Variants in BLACAT1 observed in about 807,000 individuals in gnomAD.
BLACAT1 encodes bladder cancer associated transcript 1.
At chr1:205,438,372 G>C (rs1666240027), downstream of BLACAT1, among the ~76,000 whole-genome samples, 1 of 152,240 alleles carries the variant, frequency 6.6e-6, no homozygotes, top group African/African-American at 2.4e-5. Flanking sequence ...AGAGAGGATG[G>C]GAAGGCAGGG....
downstream of BLACAT1, chr1:205,436,205 C>G (rs116864810): frequency 1.3e-5 from 2 of 152,106 alleles, no homozygotes; most frequent in Non-Finnish European, 1.5e-5. Context: ...CAGCAGCCCA[C>G]GAGGAAAACC....
At chr1:205,436,866 T>G (rs1021321971), downstream of BLACAT1, 2 of 152,252 alleles carry the variant, frequency 1.3e-5, no homozygotes, top group Non-Finnish European at 1.5e-5. Flanking sequence ...TCTCCAAAAG[T>G]TCCAGCCACA....
downstream of BLACAT1, among the ~76,000 whole-genome samples, chr1:205,438,620 T>TAG (rs540755028): frequency 1.5e-3 from 221 of 152,296 alleles, 1 homozygote; most frequent in African/African-American, 5.2e-3. Flanking sequence ...TGTGCCTGGC[T>TAG]AGAAGCTGCT....
In BLACAT1 at chr1:205,448,851, G is replaced by T. The variant is rs1666447957; in HGVS notation, c.-37+7066C>A. ...TTCTAGTCCAGCCACTGGAAGCACA[G>T]AGGGCAAAGGAGGGTCTGGGTAAAG... On this transcript the variant is annotated intron_variant, in intron 1 of 1. Coordinates refer to ENST00000629624, the Ensembl canonical transcript of BLACAT1. The surrounding 1 kb of genome is among the most constrained non-coding windows in gnomAD (Gnocchi z 4.7). 6.6e-6 allele frequency among the ~76,000 whole-genome samples: 1 copy of T among 152,158 alleles called. No individual in the cohort carries two copies. The highest frequency in any genetic ancestry group is 6.5e-5 in the Admixed American group (1 of 15,286).
At chr1:205,443,043 AGGAG>A (rs1450946703) in intron 1 of BLACAT1, among the ~76,000 whole-genome samples, 2 of 152,232 alleles carry the variant, frequency 1.3e-5, no homozygotes, top group African/African-American at 4.8e-5. Context: ...TTGATCCGGA[AGGAG>A]GGAGGGAGGG....
chr1:205,455,845 G>C (rs1666556458), intron 1 of BLACAT1, 72 bp downstream of exon 1: 1 of 152,194 alleles, frequency 6.6e-6, no homozygotes, highest in South Asian at 2.1e-4. Context: ...AGCCGCACTC[G>C]GGCCCCCAAC....
downstream of BLACAT1, among the ~76,000 whole-genome samples, chr1:205,438,652 A>G (rs1256059605): frequency 6.6e-6 from 1 of 152,192 alleles, no homozygotes; most frequent in African/African-American, 2.4e-5. Context: ...AGACAATTCC[A>G]GCTGCAGTGC....
At chr1:205,442,085 A>G in intron 1 of BLACAT1, among the ~76,000 whole-genome samples, 1 of 151,998 alleles carries the variant, frequency 6.6e-6, no homozygotes, top group Admixed American at 6.6e-5. Context: ...ATGGAAAGGG[A>G]GCAGAAGTGC....
downstream of BLACAT1, chr1:205,437,192 A>G (rs2102460204): frequency 6.6e-6 from 1 of 152,546 alleles, no homozygotes; most frequent in Admixed American, 6.5e-5. Context: ...TTTGATCAGC[A>G]TGGAGATGAG....
chr1:205,453,020 G>C (rs565728025), intron 1 of BLACAT1, among the ~76,000 whole-genome samples: 1 of 152,258 alleles, frequency 6.6e-6, no homozygotes, highest in East Asian at 1.9e-4. Context: ...GAGTCCCTGG[G>C]CTGGAACAGG....
chr1:205,439,384 G>A (rs1332193279), downstream of BLACAT1, among the ~76,000 whole-genome samples: 1 of 152,230 alleles, frequency 6.6e-6, no homozygotes, highest in Non-Finnish European at 1.5e-5. Context: ...AACTCAAGCT[G>A]TGCTCAAGCC....
At position 205,455,971 on chromosome 1, in the gene BLACAT1, CTCTT is replaced by C. The variant is rs1413851421; in HGVS notation, c.-95_-92del. The C allele has an allele frequency of 2.0e-5, 3 of 152,276 alleles. No individual in the cohort carries two copies. The East Asian group carries it at 5.8e-4, about 29-fold the overall frequency. The allele number at this position is 152,276 out of a possible 1,614,324, so 9.4% of individuals were successfully genotyped here. On this transcript the variant is annotated 5_prime_UTR_variant, in exon 1 of 2. Coordinates refer to ENST00000629624, the Ensembl canonical transcript of BLACAT1. ...ACTCACTTCCTTTGTGTCTCTCTCT[CTCTT>C]TCTCTCTCTCTCCCCCTCACCAATC... is the stretch of plus-strand genomic sequence containing the variant.
intron 1 of BLACAT1, among the ~76,000 whole-genome samples, chr1:205,445,146 A>G (rs1481048072): frequency 1.3e-5 from 2 of 152,112 alleles, no homozygotes; most frequent in African/African-American, 4.8e-5. Flanking sequence ...AGAAAGAATT[A>G]AAAACGAAGG....
rs745307754 is a variant in BLACAT1 at position 205,448,308 on chromosome 1, C to T, written c.-36-7246G>A. The T allele has an allele frequency of 1.9e-6, 1 of 530,806 alleles. No homozygotes were observed. Among genetic ancestry groups the T allele is most frequent in the Non-Finnish European group, 3.9e-6 (1 of 256,864 alleles). The allele number at this position is 530,806 out of a possible 1,614,324, so 32.9% of individuals were successfully genotyped here. On this transcript the variant is annotated intron_variant, in intron 1 of 1. Coordinates refer to ENST00000629624, the Ensembl canonical transcript of BLACAT1. This position sits in a 1 kb window ranked among gnomAD's most constrained non-coding sequence, Gnocchi z 4.7. ...GTGCAGCTGCGCAGGAGAAGGAGCT[C>T]GCCCCTCACTGTAGCCCATGGCTTT...
chr1:205,439,630 C>G (rs1558743089), downstream of BLACAT1, among the ~76,000 whole-genome samples: 1 of 152,342 alleles, frequency 6.6e-6, no homozygotes, highest in East Asian at 1.9e-4. Context: ...CCTCTCTACC[C>G]AGGTCACCTG....
At chr1:205,435,963 G>A (rs2102458405), downstream of BLACAT1, 1 of 152,368 alleles carries the variant, frequency 6.6e-6, no homozygotes, top group East Asian at 1.9e-4. Context: ...GTTAAAGGAT[G>A]AGGGCAGAAA....
At chr1:205,443,542 G>GAGGTGCC (rs1341006287) in intron 1 of BLACAT1, among the ~76,000 whole-genome samples, 6 of 152,184 alleles carry the variant, frequency 3.9e-5, no homozygotes, top group Non-Finnish European at 7.4e-5. Context: ...AGGGGCTGTA[G>GAGGTGCC]CCTGGCTCCC....
chr1:205,454,098 T>C (rs1666532209), intron 1 of BLACAT1, among the ~76,000 whole-genome samples: 1 of 152,052 alleles, frequency 6.6e-6, no homozygotes, highest in Non-Finnish European at 1.5e-5. Flanking sequence ...GTGGGGAGAA[T>C]GGCTTCAGGG....
chr1:205,445,288 G>A lies in BLACAT1; in HGVS notation c.-36-4226C>T, dbSNP rs73072317. On this transcript the variant is annotated intron_variant, in intron 1 of 1. Transcript: ENST00000629624. ...TCTGGGAACTGTAGTCTACAAGACCGTGTTGATAAACAGGCAGGCCAGGGG... is the reference window on the plus strand; with the variant it reads ...TCTGGGAACTGTAGTCTACAAGACCATGTTGATAAACAGGCAGGCCAGGGG... Among the ~76,000 whole-genome samples, 1,391 of 152,258 alleles carry A rather than the reference G, an allele frequency of 9.1e-3. 23 individuals are homozygous for A. The highest frequency in any genetic ancestry group is 0.03 in the African/African-American group (1,249 of 41,546).
Sources: allele counts gnomAD v4.1 joint callset (sites outside exome capture counted in the v4.1 genomes callset), GRCh38; gene constraint gnomAD v4.1.1; non-coding constraint Gnocchi (gnomAD v3.1); transcripts MANE v1.5; gene names NCBI Gene and HGNC (gene_info 2026-07-23, HGNC 2026-07-21).